Variants in POTEE observed in about 807,000 individuals in gnomAD.
The protein encoded by POTEE is ANKRD26-like family C member 1A.
A neutral mutation model predicts 74.2 loss-of-function variants in POTEE; 21 were observed. The ratio of observed to expected loss-of-function variants is 0.28; its 90% CI spans 0.20 to 0.41. POTEE has a LOEUF of 0.41. Among genes scored for constraint, POTEE ranks in the 10% least tolerant of loss-of-function variants. POTEE has a pLI of 1.00. For synonymous variants in POTEE, 211 were observed against 432.8 expected (o/e 0.49, Z 6.36); for missense variants, 525 against 1,158.6 (o/e 0.45, Z 7.94).
chr2:131,238,150 A>G (rs1177068369), intron 10 of POTEE, 44 bp from the exon 11 acceptor site: 1 of 1,600,436 alleles, frequency 6.2e-7, no homozygotes, highest in Non-Finnish European at 8.5e-7. Flanking sequence ...GAGACATCAC[A>G]GAAACACAAC....
chr2:131,233,550 T>A (rs13395706), intron 9 of POTEE, among the ~76,000 whole-genome samples: 1 of 147,896 alleles, frequency 6.8e-6, no homozygotes, highest in Non-Finnish European at 1.5e-5. Context: ...TCACCCGTCC[T>A]TAGTGAAATA....
At chr2:131,229,171 C>G (rs1489928762) in intron 8 of POTEE, among the ~76,000 whole-genome samples, 10 of 151,962 alleles carry the variant, frequency 6.6e-5, no homozygotes, top group Non-Finnish European at 7.4e-5. Flanking sequence ...TAGCTGAGAC[C>G]TTCATGGTAA....
intron 1 of POTEE, among the ~76,000 whole-genome samples, chr2:131,210,649 A>G (rs1700338095): frequency 6.6e-6 from 1 of 150,936 alleles, no homozygotes; most frequent in South Asian, 2.1e-4. Flanking sequence ...TGTTGGGGAG[A>G]CCACCTGGGA....
chr2:131,230,467 A>G (rs1449764994), intron 8 of POTEE, among the ~76,000 whole-genome samples: 1 of 152,178 alleles, frequency 6.6e-6, no homozygotes, highest in African/African-American at 2.4e-5. Context: ...TAAGGCAGCA[A>G]AGTCCTCACT....
At chr2:131,220,692 T>A (rs1419769529) in intron 4 of POTEE, among the ~76,000 whole-genome samples, 1 of 152,196 alleles carries the variant, frequency 6.6e-6, no homozygotes, top group South Asian at 2.1e-4. Context: ...CCGGGTACAG[T>A]GGCTTACGCC....
At chr2:131,235,908 T>G (rs1701118456) in intron 9 of POTEE, among the ~76,000 whole-genome samples, 2 of 151,922 alleles carry the variant, frequency 1.3e-5, no homozygotes, top group African/African-American at 2.4e-5. Flanking sequence ...TCAGTAGTAA[T>G]TTTTGAAATC....
In POTEE at chr2:131,230,988, T is replaced by C. The variant is rs1700936255; in HGVS notation, c.1126+82T>C. 1.1e-5 allele frequency: 16 copies of C among 1,423,124 alleles called. No homozygotes were observed. In the South Asian group the frequency reaches 1.5e-4, roughly 14 times the overall value. The allele number at this position is 1,423,124 out of a possible 1,614,324, so 88.2% of individuals were successfully genotyped here. On this transcript the variant is annotated intron_variant, in intron 9 of 17. Coordinates refer to ENST00000683005, the MANE Select transcript of POTEE (RefSeq NM_001083538.3). Reference sequence around the variant, plus strand: ...AGGGACCGGTTTTGTGGAAGACAATTTTTCCATGGGCTGGGGGAGGGTGGG... The same window carrying C: ...AGGGACCGGTTTTGTGGAAGACAATCTTTCCATGGGCTGGGGGAGGGTGGG...
At chr2:131,220,960 C>CAAAAA (rs368618556) in intron 4 of POTEE, among the ~76,000 whole-genome samples, 8 of 116,954 alleles carry the variant, frequency 6.8e-5, no homozygotes, top group Non-Finnish European at 1.3e-4. Flanking sequence ...GACTCCATCT[C>CAAAAA]AAAAAAAAAA....
chr2:131,238,197 A>C lies in POTEE; in HGVS notation c.1201A>C (p.Met401Leu), dbSNP rs1701203701. 2 of 1,605,260 alleles carry C rather than the reference A, an allele frequency of 1.2e-6. No individual in the cohort carries two copies. Among genetic ancestry groups the C allele is most frequent in the African/African-American group, 2.8e-5 (2 of 71,880 alleles). The part of the protein sequence containing the change: ...KGSENSQPEK[M>L]SQELEINKDG... ...CCTTCTGTTTTTGCCTCTGCAGAAA[A>C]TGTCTCAAGAACTAGAAATAAATAA... Residue 401 changes from methionine to leucine, a missense_variant, in exon 11 of 18, where the codon ATG becomes CTG. Physicochemically the swap from Met to Leu is conservative, Grantham distance 15. Coordinates refer to ENST00000683005, the MANE Select transcript of POTEE (RefSeq NM_001083538.3).
At chr2:131,235,813 A>AAG (rs1209666046) in intron 9 of POTEE, among the ~76,000 whole-genome samples, 1 of 149,732 alleles carries the variant, frequency 6.7e-6, no homozygotes, top group East Asian at 2.0e-4. Flanking sequence ...AAAAAAAAAA[A>AAG]GAAAGAAAAA....
In POTEE at chr2:131,230,922, G is replaced by A. The variant is rs1181572957; in HGVS notation, c.1126+16G>A. ...AGCAATCCAGGTAAGACTTGTGATAGTGAATTACTTTAGTCAGTTGTCCCC... is the reference window on the plus strand; with the variant it reads ...AGCAATCCAGGTAAGACTTGTGATAATGAATTACTTTAGTCAGTTGTCCCC... On this transcript the variant is annotated intron_variant, in intron 9 of 17. Coordinates refer to ENST00000683005, the MANE Select transcript of POTEE (RefSeq NM_001083538.3). 4 of 1,555,878 alleles carry A rather than the reference G, an allele frequency of 2.6e-6. No homozygotes were observed. The highest frequency in any genetic ancestry group is 1.9e-5 in the Admixed American group (1 of 52,420).
rs1700502736 is a variant in POTEE at position 131,218,447 on chromosome 2, G to A, written c.45G>A (p.Lys15=). ...VDSMPAASSV[K]KPFGLRSKMG... ...CCATGCCGGCTGCCTCTTCTGTGAA[G>A]AAGCCATTTGGTCTCAGGAGCAAGA... The change falls in exon 4 of 18, where the codon AAG becomes AAA. Residue 15 remains lysine, a synonymous_variant. Coordinates refer to ENST00000683005, the MANE Select transcript of POTEE (RefSeq NM_001083538.3). 1.2e-6 allele frequency: 2 copies of A among 1,613,190 alleles called. No homozygotes were observed. Among genetic ancestry groups the A allele is most frequent in the Admixed American group, 1.7e-5 (1 of 59,978 alleles).
intron 7 of POTEE, 32 bp downstream of exon 7, chr2:131,226,961 A>G (rs1227005385): frequency 1.3e-5 from 21 of 1,609,210 alleles, no homozygotes; most frequent in Non-Finnish European, 1.7e-5. Context: ...TGTGTGTTCT[A>G]GATGGACAGC....
chr2:131,214,853 G>A (rs2105060164), intron 2 of POTEE, among the ~76,000 whole-genome samples: 1 of 149,336 alleles, frequency 6.7e-6, no homozygotes, highest in South Asian at 2.1e-4. Context: ...AAGGTCTCCG[G>A]ACAGGTGGAG....
intron 6 of POTEE, among the ~76,000 whole-genome samples, chr2:131,224,278 C>T (rs1268857922): frequency 6.0e-5 from 9 of 149,270 alleles, no homozygotes; most frequent in Admixed American, 4.0e-4. Flanking sequence ...TTTGAAAACA[C>T]TGAATTTGTA....
rs757181592 is a variant in POTEE at position 131,263,972 on chromosome 2, G to A, written c.2517G>A (p.Val839=). The part of the protein sequence containing the change: ...TPAMYVAIQA[V]PSLYTSGRTT... ...CCATGTACGTGGCCATCCAGGCCGTGCCGTCCCTGTACACCTCTGGCCGTA... is the reference window on the plus strand; with the variant it reads ...CCATGTACGTGGCCATCCAGGCCGTACCGTCCCTGTACACCTCTGGCCGTA... The change falls in exon 18 of 18, where the codon GTG becomes GTA. Residue 839 remains valine, a synonymous_variant. Transcript: ENST00000683005. 2 of 1,614,206 alleles carry A rather than the reference G, an allele frequency of 1.2e-6. No individual in the cohort carries two copies. Among genetic ancestry groups the A allele is most frequent in the Non-Finnish European group, 8.5e-7 (1 of 1,180,048 alleles).
intron 9 of POTEE, among the ~76,000 whole-genome samples, chr2:131,232,703 G>T (rs1701001805): frequency 6.6e-6 from 1 of 150,982 alleles, no homozygotes; most frequent in Non-Finnish European, 1.5e-5. Context: ...AGGAACCAGA[G>T]TTGTTTTGGT....
At position 131,209,580 on chromosome 2, in the gene POTEE, C is replaced by G. The variant is rs1323059063; in HGVS notation, c.-584C>G. On this transcript the variant is annotated 5_prime_UTR_variant, in exon 1 of 18. Transcript: ENST00000683005. ...GGGCGTTTGGTAACCGGCATGGCTG[C>G]TACCTGTTTCTGGCTGGAGCCTCGG... is the stretch of plus-strand genomic sequence containing the variant. Among the ~76,000 whole-genome samples the G allele has an allele frequency of 6.6e-6, 1 of 152,226 alleles. No homozygotes were observed. The highest frequency in any genetic ancestry group is 2.4e-5 in the African/African-American group (1 of 41,460).
chr2:131,221,922 G>A (rs1264501193), intron 4 of POTEE, among the ~76,000 whole-genome samples: 1 of 152,228 alleles, frequency 6.6e-6, no homozygotes, highest in African/African-American at 2.4e-5. Flanking sequence ...TCAGACATAA[G>A]CCAGACACCT....
Sources: allele counts gnomAD v4.1 joint callset (sites outside exome capture counted in the v4.1 genomes callset), GRCh38; gene constraint gnomAD v4.1.1; transcripts MANE v1.5; gene names NCBI Gene and HGNC (gene_info 2026-07-23, HGNC 2026-07-21).